DNAJC11: variants seen among roughly 807,000 people sequenced by gnomAD.
DNAJC11 encodes the protein DnaJ heat shock protein family (Hsp40) member C11.
DNAJC11 carries 15 observed loss-of-function variants against 78.6 expected under a neutral mutation model. That is an observed-to-expected ratio of 0.19 (90% confidence interval 0.13 to 0.29). The LOEUF (loss-of-function observed/expected upper bound fraction) is 0.29, where lower values mean the gene tolerates loss of function less well. Among genes scored for constraint, DNAJC11 ranks in the 10% least tolerant of loss-of-function variants. The pLI is 1.00. For missense variants in DNAJC11, 547 were observed against 709.6 expected (o/e 0.77, Z 2.60); for synonymous variants, 292 against 272.1 (o/e 1.07, Z -0.72).
At chr1:6,640,320 G>A (rs1468394907) in intron 10 of DNAJC11, among the ~76,000 whole-genome samples, 3 of 152,178 alleles carry the variant, frequency 2.0e-5, no homozygotes, top group South Asian at 2.1e-4. Context: ...AACACTTCAC[G>A]GGGTCAACGT....
intron 3 of DNAJC11, among the ~76,000 whole-genome samples, chr1:6,677,232 A>G (rs961032321): frequency 3.3e-5 from 5 of 152,162 alleles, no homozygotes; most frequent in South Asian, 4.1e-4. Context: ...ATATAACTCA[A>G]CGAGGGTCAA....
chr1:6,669,635 T>C (rs1022237240), intron 3 of DNAJC11, among the ~76,000 whole-genome samples: 1 of 151,952 alleles, frequency 6.6e-6, no homozygotes, highest in African/African-American at 2.4e-5. Flanking sequence ...GACCATCTAG[T>C]TGACATTTCA....
chr1:6,648,751 C>T (rs1029846218), intron 7 of DNAJC11, among the ~76,000 whole-genome samples: 7 of 152,216 alleles, frequency 4.6e-5, no homozygotes, highest in African/African-American at 1.7e-4. Flanking sequence ...CCACCACACC[C>T]TGCCCCCGAG....
At chr1:6,693,431 A>C (rs1642782551) in intron 1 of DNAJC11, among the ~76,000 whole-genome samples, 1 of 152,092 alleles carries the variant, frequency 6.6e-6, no homozygotes, top group Non-Finnish European at 1.5e-5. Flanking sequence ...CTCAGGCTGG[A>C]GTGCAGTGGT....
At chr1:6,641,211 C>T (rs1225570106) in intron 10 of DNAJC11, among the ~76,000 whole-genome samples, 1 of 151,678 alleles carries the variant, frequency 6.6e-6, no homozygotes, top group African/African-American at 2.4e-5. Context: ...CATGGTGAAA[C>T]CCTGTCTCTA....
rs1286093305 is a variant in DNAJC11 at position 6,638,349 on chromosome 1, C to G, written c.1269G>C (p.Gln423His). The stretch of plus-strand genomic sequence containing the variant: ...GCACATCGGTGGCGGCGCTTTCCCT[C>G]TGCTTCTCCAATTCCCTTACGCGAG... ...RAQKEKELEK[Q>H]RESAATDVLQ... The change falls in exon 12 of 16, where the codon CAG becomes CAC. Residue 423 changes from glutamine to histidine, a missense_variant. Gln to His is a conservative substitution (Grantham distance 24). Transcript: ENST00000377577. 1 of 1,613,578 alleles carries G rather than the reference C, an allele frequency of 6.2e-7. No homozygotes were observed. The highest frequency in any genetic ancestry group is 8.5e-7 in the Non-Finnish European group (1 of 1,179,754).
At chr1:6,648,022 G>A (rs1205170391) in intron 7 of DNAJC11, among the ~76,000 whole-genome samples, 3 of 152,110 alleles carry the variant, frequency 2.0e-5, no homozygotes, top group African/African-American at 7.2e-5. Context: ...TAGACACTGA[G>A]GCTCAACCAG....
intron 1 of DNAJC11, among the ~76,000 whole-genome samples, chr1:6,686,251 GAATAACTTAAGAATGT>G (rs927124599): frequency 2.6e-5 from 4 of 152,056 alleles, no homozygotes; most frequent in African/African-American, 7.2e-5. Context: ...AATAACTTAA[GAATAACTTAAGAATGT>G]AATAACTTAA....
At chr1:6,639,880 T>C in intron 11 of DNAJC11, 22 bp downstream of exon 11, 4 of 1,607,518 alleles carry the variant, frequency 2.5e-6, no homozygotes, top group South Asian at 1.1e-5. Flanking sequence ...GCTAGTGACA[T>C]GCCCATGACG....
rs115881699 is a variant in DNAJC11, at chr1:6,644,689, C to T, written c.981-15G>A. The T allele has an allele frequency of 4.3e-4, 686 of 1,607,000 alleles. 1 individual carries two copies. The African/African-American group carries it at 6.3e-3, about 15-fold the overall frequency. On this transcript the variant is annotated splice_polypyrimidine_tract_variant and intron_variant, in intron 9 of 15. Coordinates refer to ENST00000377577, the MANE Select transcript of DNAJC11 (RefSeq NM_018198.4). Reference sequence around the variant, plus strand: ...AGAAGCCTGCTCTGCAGGGAGAGAACGCGGTCTGTGCCTGTGCCCCTCATT... The same window carrying T: ...AGAAGCCTGCTCTGCAGGGAGAGAATGCGGTCTGTGCCTGTGCCCCTCATT...
At chr1:6,683,310 T>C (rs1038777090) in intron 1 of DNAJC11, among the ~76,000 whole-genome samples, 5 of 152,122 alleles carry the variant, frequency 3.3e-5, no homozygotes, top group African/African-American at 1.2e-4. Context: ...GGATGCAGGA[T>C]CTGTCACTTC....
At chr1:6,695,517 T>C (rs1417416247) in intron 1 of DNAJC11, among the ~76,000 whole-genome samples, 1 of 150,070 alleles carries the variant, frequency 6.7e-6, no homozygotes, top group Non-Finnish European at 1.5e-5. Context: ...GATGGCCAGG[T>C]GCAGTGGCTC....
chr1:6,677,182 A>AAC (rs1411595617), intron 3 of DNAJC11, among the ~76,000 whole-genome samples: 2 of 151,868 alleles, frequency 1.3e-5, no homozygotes, highest in Non-Finnish European at 2.9e-5. Flanking sequence ...AAACAAAAAA[A>AAC]ACGAAGGAAC....
Position 6,636,214 on chromosome 1 carries a change from C to A in DNAJC11, c.1557G>T (p.Val519=), listed in dbSNP as rs144207639. The change falls in exon 15 of 16, where the codon GTG becomes GTT. Residue 519 remains valine, a synonymous_variant. Coordinates refer to ENST00000377577, the MANE Select transcript of DNAJC11 (RefSeq NM_018198.4). ...GCACTTTCAGGTTCTTCTCTTCCCC[C>A]ACACACGGGTCATAAAAGCCAGGCA... ...AGLPGFYDPC[V]GEEKNLKVLY... is the part of the protein sequence containing the mutation. The A allele has an allele frequency of 6.2e-6, 10 of 1,614,158 alleles. No individual in the cohort carries two copies. The East Asian group carries it at 1.8e-4, about 29-fold the overall frequency.
chr1:6,637,683 C>A (rs994235388), intron 12 of DNAJC11, 179 bp from the exon 13 acceptor site: 3 of 674,448 alleles, frequency 4.4e-6, no homozygotes, highest in Non-Finnish European at 7.6e-6. Flanking sequence ...AACTCCTAGA[C>A]CTAGGGCAGG....
chr1:6,690,396 T>C (rs1402798387), intron 1 of DNAJC11, among the ~76,000 whole-genome samples: 1 of 152,184 alleles, frequency 6.6e-6, no homozygotes, highest in Non-Finnish European at 1.5e-5. Context: ...ACAGTAAAAC[T>C]GTCTGGATTT....
At chr1:6,662,377 A>G (rs768655119) in intron 4 of DNAJC11, among the ~76,000 whole-genome samples, 3 of 151,974 alleles carry the variant, frequency 2.0e-5, no homozygotes, top group Non-Finnish European at 4.4e-5. Context: ...TATTTTTAGT[A>G]GAGATGGGGT....
At chr1:6,674,938 T>C (rs1002499592) in intron 3 of DNAJC11, among the ~76,000 whole-genome samples, 5 of 152,160 alleles carry the variant, frequency 3.3e-5, no homozygotes, top group Non-Finnish European at 7.3e-5. Flanking sequence ...AATAAATATG[T>C]GGTAAATGGA....
intron 10 of DNAJC11, 37 bp from the exon 11 acceptor site, chr1:6,640,094 A>T: frequency 4.6e-6 from 7 of 1,510,932 alleles, no homozygotes; most frequent in Non-Finnish European, 6.2e-6. Flanking sequence ...AAAAAAGCCA[A>T]GATGAATCAG....
Sources: gnomAD v4.1 joint callset for allele counts (sites outside exome capture counted in the v4.1 genomes callset) on GRCh38, gnomAD v4.1.1 for gene constraint, MANE v1.5 for transcripts, NCBI Gene and HGNC (gene_info 2026-07-23, HGNC 2026-07-21) for gene names.